The following ERLIN2 variants were observed in gnomAD, a reference collection of about 807,000 sequenced individuals.
ERLIN2 encodes erlin-2.
Under a neutral mutation model 41.5 loss-of-function variants are expected in ERLIN2, and 22 were observed. That is an observed-to-expected ratio of 0.53 (90% confidence interval 0.38 to 0.76). The LOEUF (loss-of-function observed/expected upper bound fraction) is 0.76. Among genes scored for constraint, ERLIN2 ranks in the 30% least tolerant of loss-of-function variants. ERLIN2 has a pLI of 0.00. For synonymous variants in ERLIN2, 149 were observed against 150.9 expected, an observed-to-expected ratio of 0.99 and a Z score of 0.09; for missense variants, 247 against 414.3, an observed-to-expected ratio of 0.60 and a Z score of 3.51.
rs1803367366 is a variant in ERLIN2, at chr8:37,756,728, T to G, written c.*2613T>G. The G allele has an allele frequency of 6.6e-6, 1 of 152,662 alleles. No homozygotes were observed. The highest frequency in any genetic ancestry group is 1.5e-5 in the Non-Finnish European group (1 of 68,042). The allele number at this position is 152,662 out of a possible 1,614,324, so 9.5% of individuals were successfully genotyped here. On this transcript the variant is annotated 3_prime_UTR_variant, in exon 12 of 12. Coordinates refer to ENST00000519638, the MANE Select transcript of ERLIN2 (RefSeq NM_007175.8). Reference sequence around the variant, plus strand: ...TAACTCTTACTAGAAAATCTAATCTTAAAACATTTGAATTCTAAACATGTA... The same window carrying G: ...TAACTCTTACTAGAAAATCTAATCTGAAAACATTTGAATTCTAAACATGTA...
intron 2 of ERLIN2, among the ~76,000 whole-genome samples, chr8:37,738,578 AT>A (rs1226470930): frequency 1.3e-5 from 2 of 152,210 alleles, no homozygotes; most frequent in East Asian, 1.9e-4. Flanking sequence ...CTCTAAAAAA[AT>A]AAAATAAAAA....
rs1803345388 is a variant in ERLIN2, at chr8:37,755,729, G to A, written c.*1614G>A. On this transcript the variant is annotated 3_prime_UTR_variant, in exon 12 of 12. Transcript: ENST00000519638. Reference sequence around the variant, plus strand: ...GCCAGCTTGCTCAGAAGTTTTGGGAGCATTGAGCCTGCCTAGAAAGATACA... The same window carrying A: ...GCCAGCTTGCTCAGAAGTTTTGGGAACATTGAGCCTGCCTAGAAAGATACA... 1 of 152,134 alleles carries A rather than the reference G, an allele frequency of 6.6e-6. No homozygotes were observed. The highest frequency in any genetic ancestry group is 1.5e-5 in the Non-Finnish European group (1 of 68,034). The allele number at this position is 152,134 out of a possible 1,614,324, so 9.4% of individuals were successfully genotyped here.
intron 6 of ERLIN2, chr8:37,747,902 C>T (rs747426371): frequency 7.4e-6 from 12 of 1,613,968 alleles, no homozygotes; most frequent in East Asian, 2.2e-5. Flanking sequence ...ACCACCTGGC[C>T]GCACAAACAG....
intron 4 of ERLIN2, among the ~76,000 whole-genome samples, chr8:37,742,901 T>C (rs569120677): frequency 6.6e-6 from 1 of 152,300 alleles, no homozygotes; most frequent in South Asian, 2.1e-4. Context: ...AATGACCTGA[T>C]ACAAGAAGAT....
chr8:37,750,999 G>A (rs554175875), intron 9 of ERLIN2, among the ~76,000 whole-genome samples: 34 of 152,286 alleles, frequency 2.2e-4, no homozygotes, highest in Non-Finnish European at 3.7e-4. Flanking sequence ...GATTACAGAC[G>A]TGAGCCACCG....
chr8:37,740,906 G>T (rs1206112207), intron 3 of ERLIN2, among the ~76,000 whole-genome samples: 1 of 152,192 alleles, frequency 6.6e-6, no homozygotes, highest in African/African-American at 2.4e-5. Context: ...GCCTGGCTAA[G>T]TTGGACTTGC....
intron 9 of ERLIN2, 81 bp from the exon 10 acceptor site, chr8:37,751,545 A>G: frequency 8.1e-7 from 1 of 1,228,902 alleles, no homozygotes; most frequent in Non-Finnish European, 1.2e-6. Flanking sequence ...CTGGCCCACC[A>G]GGACACTCAG....
chr8:37,743,484 T>C (rs1405076813), intron 4 of ERLIN2, among the ~76,000 whole-genome samples: 5 of 152,156 alleles, frequency 3.3e-5, no homozygotes, highest in African/African-American at 1.2e-4. Flanking sequence ...ACCTTTTGGA[T>C]TACAGCCCAC....
intron 6 of ERLIN2, chr8:37,747,645 G>A (rs1187747149): frequency 8.1e-6 from 13 of 1,609,168 alleles, no homozygotes; most frequent in African/African-American, 1.3e-5. Flanking sequence ...GGCCAAACTT[G>A]ACGACTGCTC....
chr8:37,741,736 C>T lies in ERLIN2; in HGVS notation c.190-36C>T, dbSNP rs778759142. Reference sequence around the variant, plus strand: ...GAAAAGTAAGTTACTTTGTCACTGCCCATCTTCTAGCACTTTATGTTTCCT... The same window carrying T: ...GAAAAGTAAGTTACTTTGTCACTGCTCATCTTCTAGCACTTTATGTTTCCT... On this transcript the variant is annotated intron_variant, in intron 3 of 11. Transcript: ENST00000519638. The surrounding 1 kb of genome is among the most constrained non-coding windows in gnomAD (Gnocchi z 4.8). 5 of 1,545,176 alleles carry T rather than the reference C, an allele frequency of 3.2e-6. No individual in the cohort carries two copies. In the South Asian group the frequency reaches 5.6e-5, roughly 17 times the overall value.
At chr8:37,752,423 G>A (rs1385419206) in intron 10 of ERLIN2, among the ~76,000 whole-genome samples, 1 of 152,224 alleles carries the variant, frequency 6.6e-6, no homozygotes, top group Non-Finnish European at 1.5e-5. Flanking sequence ...AGGCTTTGCA[G>A]GGGCCCATAG....
chr8:37,737,941 G>T lies in ERLIN2; in HGVS notation c.19G>T (p.Val7Phe). 1 of 1,614,204 alleles carries T rather than the reference G, an allele frequency of 6.2e-7. No individual in the cohort carries two copies. Among genetic ancestry groups the T allele is most frequent in the Non-Finnish European group, 8.5e-7 (1 of 1,180,020 alleles). ...CTCACTGATGGCTCAGTTGGGAGCAGTTGTGGCTGTGGCTTCCAGTTTCTT... is the reference window on the plus strand; with the variant it reads ...CTCACTGATGGCTCAGTTGGGAGCATTTGTGGCTGTGGCTTCCAGTTTCTT... MAQLGA[V>F]VAVASSFFCA... Residue 7 changes from valine to phenylalanine, a missense_variant, in exon 2 of 12, where the codon GTT becomes TTT. Around this residue, in one of 3 missense-constraint regions of ERLIN2, gnomAD observed 93 missense variants for 139.0 expected, o/e 0.67. Coordinates refer to ENST00000519638, the MANE Select transcript of ERLIN2 (RefSeq NM_007175.8).
At chr8:37,753,703 A>G (rs1341014025) in intron 11 of ERLIN2, among the ~76,000 whole-genome samples, 174 bp downstream of exon 11, 1 of 152,148 alleles carries the variant, frequency 6.6e-6, no homozygotes, top group African/African-American at 2.4e-5. Flanking sequence ...GCCTTGATAG[A>G]AGTTTAGTTT....
intron 2 of ERLIN2, among the ~76,000 whole-genome samples, chr8:37,739,812 CT>C (rs1219288019): frequency 1.2e-3 from 174 of 141,262 alleles, no homozygotes; most frequent in Non-Finnish European, 1.1e-3. Flanking sequence ...CTGTCTTTTT[CT>C]TTTTTTTTTT....
In ERLIN2 at chr8:37,747,494, C is replaced by T. The variant is rs754078917; in HGVS notation, c.425-2065C>T. ...GCATACGAGTCAGCAACTTCCCTAG[C>T]CTCAATCTCCTCTTCCTCTTCATCA... On this transcript the variant is annotated intron_variant, in intron 6 of 11. Coordinates refer to ENST00000519638, the MANE Select transcript of ERLIN2 (RefSeq NM_007175.8). 18 of 1,612,040 alleles carry T rather than the reference C, an allele frequency of 1.1e-5. 1 individual carries two copies. In the South Asian group the frequency reaches 1.6e-4, roughly 15 times the overall value.
rs1313693765 is a variant in ERLIN2 at position 37,758,151 on chromosome 8, C to T, written c.*4036C>T. The stretch of plus-strand genomic sequence containing the variant: ...TTTAACTGGGTATCCTGTATTTTTA[C>T]TTGTTAAGTCCGGCAACCCTAGCCC... On this transcript the variant is annotated 3_prime_UTR_variant, in exon 12 of 12. Coordinates refer to ENST00000519638, the MANE Select transcript of ERLIN2 (RefSeq NM_007175.8). 1 of 152,166 alleles carries T rather than the reference C, an allele frequency of 6.6e-6. No homozygotes were observed. Among genetic ancestry groups the T allele is most frequent in the African/African-American group, 2.4e-5 (1 of 41,434 alleles). The allele number at this position is 152,166 out of a possible 1,614,324, so 9.4% of individuals were successfully genotyped here. A position where few individuals can be genotyped will look rare whatever the true frequency, so the allele number is the denominator to read the frequency against.
intron 11 of ERLIN2, among the ~76,000 whole-genome samples, 169 bp from the exon 12 acceptor site, chr8:37,753,746 T>C (rs1803287444): frequency 6.6e-6 from 1 of 152,222 alleles, no homozygotes; most frequent in Admixed American, 6.5e-5. Context: ...CTTTTAACTT[T>C]TGCACCTATG....
chr8:37,737,684 G>C (rs1375604820), intron 1 of ERLIN2: 1 of 537,808 alleles, frequency 1.9e-6, no homozygotes. Flanking sequence ...TCCGGAGCCA[G>C]TGCTTCCTCA....
chr8:37,745,127 T>G, intron 6 of ERLIN2: 1 of 518,276 alleles, frequency 1.9e-6, no homozygotes, highest in Non-Finnish European at 3.4e-6. Context: ...CAATTAGTAG[T>G]GGGGCTGAAA....
Sources: gnomAD v4.1 joint callset for allele counts (sites outside exome capture counted in the v4.1 genomes callset) on GRCh38, gnomAD v4.1.1 for gene constraint, gnomAD v4.1.1 regional missense constraint, Gnocchi (gnomAD v3.1) non-coding constraint, MANE v1.5 for transcripts, NCBI Gene and HGNC (gene_info 2026-07-23, HGNC 2026-07-21) for gene names.